The following TMPO variants were observed in gnomAD, a reference collection of about 807,000 sequenced individuals.
TMPO encodes the protein LEM domain containing 4.
A neutral mutation model predicts 45.4 loss-of-function variants in TMPO; 22 were observed. The ratio of observed to expected loss-of-function variants is 0.48; its 90% CI spans 0.35 to 0.69. The LOEUF is 0.69. Ranked by LOEUF, TMPO falls within the 30% of genes least tolerant of loss-of-function variation. TMPO has a pLI of 0.01. For missense variants in TMPO, 512 were observed against 548.8 expected (o/e 0.93, Z 0.67); for synonymous variants, 241 against 204.1 (o/e 1.18, Z -1.54).
At chr12:98,525,161 A>G (rs1332481441) in intron 1 of TMPO, among the ~76,000 whole-genome samples, 1 of 152,228 alleles carries the variant, frequency 6.6e-6, no homozygotes, top group Non-Finnish European at 1.5e-5. Context: ...GAAAGAAATA[A>G]GTCTTAGAAC....
intron 1 of TMPO, among the ~76,000 whole-genome samples, chr12:98,518,323 G>A (rs1317584120): frequency 6.6e-6 from 1 of 151,942 alleles, no homozygotes. Context: ...GCGGGATCTC[G>A]CTTTGTTGCC....
Position 98,548,770 on chromosome 12 carries a change from G to A in TMPO, c.*912G>A, listed in dbSNP as rs75544449. ...TCATTATTGCATTGTCTTGTTACCA[G>A]AAACAAATTTTGCCGAGCTTTTTTT... On this transcript the variant is annotated 3_prime_UTR_variant, in exon 9 of 9. Transcript: ENST00000556029. 790 of 152,290 alleles carry A rather than the reference G, an allele frequency of 5.2e-3. 6 individuals are homozygous for A. Among genetic ancestry groups the A allele is most frequent in the Non-Finnish European group, 9.2e-3 (626 of 68,024 alleles). 9.4% of individuals were successfully genotyped at this position (152,290 alleles called of 1,614,324 possible). A position where few individuals can be genotyped will look rare whatever the true frequency, so the allele number is the denominator to read the frequency against.
At chr12:98,520,160 A>G (rs1202346557) in intron 1 of TMPO, among the ~76,000 whole-genome samples, 3 of 151,810 alleles carry the variant, frequency 2.0e-5, no homozygotes, top group Non-Finnish European at 4.4e-5. Flanking sequence ...GGGTTTCACC[A>G]TCTTGGCCAG....
intron 1 of TMPO, among the ~76,000 whole-genome samples, chr12:98,517,740 A>G (rs1439546794): frequency 2.0e-5 from 3 of 152,282 alleles, no homozygotes; most frequent in African/African-American, 7.2e-5. Context: ...TATTGTTTAA[A>G]CATCTTGTTT....
chr12:98,519,890 GT>G (rs1209108500), intron 1 of TMPO, among the ~76,000 whole-genome samples: 1 of 151,884 alleles, frequency 6.6e-6, no homozygotes, highest in African/African-American at 2.4e-5. Context: ...TATATTTTAC[GT>G]TTTGGTCATT....
In TMPO at chr12:98,515,749, T is replaced by C. The variant is rs1875728991; in HGVS notation, c.-119T>C. ...GTTTTTGTTCCGCTCCGCAGCGCTCTTCCCGGGCAGGAGCCGTGAGGCTCG... is the reference window on the plus strand; with the variant it reads ...GTTTTTGTTCCGCTCCGCAGCGCTCCTCCCGGGCAGGAGCCGTGAGGCTCG... On this transcript the variant is annotated 5_prime_UTR_variant, in exon 1 of 9. Transcript: ENST00000556029. 8.6e-5 allele frequency: 132 copies of C among 1,539,282 alleles called. 1 individual carries two copies. The South Asian group carries it at 1.5e-3, about 18-fold the overall frequency.
rs1267051013 is a variant in TMPO at position 98,531,684 on chromosome 12, A to T, written c.411A>T (p.Thr137=). 1.9e-6 allele frequency: 3 copies of T among 1,612,302 alleles called. No individual in the cohort carries two copies. The highest frequency in any genetic ancestry group is 2.5e-6 in the Non-Finnish European group (3 of 1,179,970). The part of the protein sequence containing the change: ...YGVNPGPIVG[T]TRKLYEKKLL... ...GCAAGTTCTGCCTTAATCCAGGAAC[A>T]ACCAGGAAGCTATATGAGAAAAAGC... The change falls in exon 3 of 9, where the codon ACA becomes ACT. Residue 137 remains threonine (T), a synonymous_variant. Coordinates refer to ENST00000556029, the MANE Select transcript of TMPO (RefSeq NM_001032283.3).
In TMPO at chr12:98,547,556, C is replaced by G; in HGVS notation, c.1080-17C>G. 1 of 1,613,968 alleles carries G rather than the reference C, an allele frequency of 6.2e-7. No individual in the cohort carries two copies. Among genetic ancestry groups the G allele is most frequent in the Non-Finnish European group, 8.5e-7 (1 of 1,179,900 alleles). On this transcript the variant is annotated splice_polypyrimidine_tract_variant and intron_variant, in intron 8 of 8. Transcript: ENST00000556029. ...TATCTAAAATTATTTTTCTTTTCCT[C>G]CTTTCACTCCCAACAGTGCTAGTTG... is the stretch of plus-strand genomic sequence containing the variant.
chr12:98,534,624 A>T, intron 3 of TMPO: 1 of 1,205,824 alleles, frequency 8.3e-7, no homozygotes. Flanking sequence ...ATGTTTTTAC[A>T]ATTCTCCAAA....
chr12:98,531,382 G>A lies in TMPO; in HGVS notation c.407-298G>A, dbSNP rs144548758. Among the ~76,000 whole-genome samples the A allele has an allele frequency of 7.3e-5, 11 of 151,648 alleles. No homozygotes were observed. In the South Asian group the frequency reaches 1.5e-3, roughly 20 times the overall value. ...CTCCCAAGTAGCTGGGATCACAGGC[G>A]TGTGCCACCATGCCCGGCTAATTTT... On this transcript the variant is annotated intron_variant, in intron 2 of 8. Transcript: ENST00000556029.
At chr12:98,537,177 C>T (rs1877626214) in intron 3 of TMPO, among the ~76,000 whole-genome samples, 1 of 152,032 alleles carries the variant, frequency 6.6e-6, no homozygotes, top group Non-Finnish European at 1.5e-5. Flanking sequence ...TTCGTGGGAG[C>T]ATTTTGAACT....
chr12:98,527,335 C>CA (rs374742173), intron 1 of TMPO, among the ~76,000 whole-genome samples: 1,087 of 93,488 alleles, frequency 0.012, 12 homozygotes, highest in African/African-American at 0.023. Context: ...CCCATCTCTA[C>CA]AAAAAAAAAA....
rs1388860430 is a variant in TMPO, at chr12:98,545,070, A to G, written c.990+9A>G. On this transcript the variant is annotated intron_variant, in intron 7 of 8. Transcript: ENST00000556029. ...CATTGACAAGAGCTGAAGTAAATGA[A>G]TACAATTTAGATCGATGCTATCATT... is the stretch of plus-strand genomic sequence containing the variant. The G allele has an allele frequency of 6.4e-7, 1 of 1,554,112 alleles. No homozygotes were observed. Among genetic ancestry groups the G allele is most frequent in the Non-Finnish European group, 8.9e-7 (1 of 1,125,968 alleles).
At chr12:98,516,583 C>T in intron 1 of TMPO, 5 of 990,740 alleles carry the variant, frequency 5.0e-6, no homozygotes, top group African/African-American at 1.7e-5. Context: ...CAGAGCGCTC[C>T]CTGGAGGGCA....
At chr12:98,534,558 A>T in intron 3 of TMPO, 1 of 1,343,142 alleles carries the variant, frequency 7.4e-7, no homozygotes, top group Non-Finnish European at 9.6e-7. Flanking sequence ...AAACAATTTA[A>T]CGCTTTCTAG....
intron 2 of TMPO, among the ~76,000 whole-genome samples, chr12:98,528,528 C>T (rs760778273): frequency 3.1e-4 from 47 of 152,190 alleles, no homozygotes; most frequent in South Asian, 4.1e-4. Flanking sequence ...CCGCCTGCCT[C>T]GGCCTCCCAA....
chr12:98,536,645 C>G (rs1455418573), intron 3 of TMPO, among the ~76,000 whole-genome samples: 1 of 152,084 alleles, frequency 6.6e-6, no homozygotes, highest in African/African-American at 2.4e-5. Context: ...GCCACCATGC[C>G]CTGCCAGGGA....
rs1192512901 is a variant in TMPO at position 98,549,388 on chromosome 12, C to T, written c.*1530C>T. The T allele has an allele frequency of 1.4e-5, 2 of 141,036 alleles. No individual in the cohort carries two copies. The highest frequency in any genetic ancestry group is 5.2e-5 in the African/African-American group (2 of 38,492). The allele number at this position is 141,036 out of a possible 1,614,324, so 8.7% of individuals were successfully genotyped here. A position where few individuals can be genotyped will look rare whatever the true frequency, so the allele number is the denominator to read the frequency against. ...TGTTGGCCAGGCTGGTCTCGAACCC[C>T]TGACCTCAAGTGATCAGCCCACCTC... On this transcript the variant is annotated 3_prime_UTR_variant, in exon 9 of 9. Coordinates refer to ENST00000556029, the MANE Select transcript of TMPO (RefSeq NM_001032283.3).
rs1431399584 is a variant in TMPO at position 98,544,551 on chromosome 12, A to C, written c.879+14A>C. The C allele has an allele frequency of 1.9e-6, 3 of 1,592,144 alleles. No homozygotes were observed. The highest frequency in any genetic ancestry group is 2.6e-6 in the Non-Finnish European group (3 of 1,160,560). On this transcript the variant is annotated intron_variant, in intron 6 of 8. Coordinates refer to ENST00000556029, the MANE Select transcript of TMPO (RefSeq NM_001032283.3). ...AACGAATCCTTAGTAAATATGTTTC[A>C]TAAACTATACAAGTGGTATTCTTTG...
Sources: gnomAD v4.1 joint callset for allele counts (sites outside exome capture counted in the v4.1 genomes callset) on GRCh38, gnomAD v4.1.1 for gene constraint, MANE v1.5 for transcripts, NCBI Gene and HGNC (gene_info 2026-07-23, HGNC 2026-07-21) for gene names.